SAMD12: variants seen among roughly 807,000 people sequenced by gnomAD.
SAMD12 encodes the protein sterile alpha motif domain containing 12.
In SAMD12, 9 loss-of-function variants were observed where a neutral mutation model predicts 15.0. That is an observed-to-expected ratio of 0.60 (90% CI 0.36 to 1.05). The LOEUF is 1.05. Ranked by LOEUF, SAMD12 falls within the 50% of genes least tolerant of loss-of-function variation. SAMD12 has a pLI of 0.01. For synonymous variants in SAMD12, 86 were observed against 90.1 expected, an observed-to-expected ratio of 0.96 and a Z score of 0.25; for missense variants, 230 against 234.2, an observed-to-expected ratio of 0.98 and a Z score of 0.12.
chr8:118,430,211 G>A (rs1255683019), intron 3 of SAMD12, among the ~76,000 whole-genome samples: 1 of 152,152 alleles, frequency 6.6e-6, no homozygotes, highest in African/African-American at 2.4e-5. Context: ...ATCAGAGAGT[G>A]ATGTTGAAGT....
chr8:118,212,062 T>TTGTGTG (rs35939969), intron 4 of SAMD12, among the ~76,000 whole-genome samples: 6 of 150,740 alleles, frequency 4.0e-5, no homozygotes, highest in African/African-American at 1.5e-4. Flanking sequence ...GTTGCAGATT[T>TTGTGTG]TGTGTGTGTG....
intron 4 of SAMD12, among the ~76,000 whole-genome samples, chr8:118,302,932 A>G (rs1047654314): frequency 3.9e-5 from 6 of 152,244 alleles, no homozygotes; most frequent in Admixed American, 6.5e-5. Flanking sequence ...ATATTAAATC[A>G]AAGTGCAACT....
At chr8:118,566,328 C>T (rs1030397756) in intron 2 of SAMD12, among the ~76,000 whole-genome samples, 4 of 152,182 alleles carry the variant, frequency 2.6e-5, no homozygotes, top group Non-Finnish European at 5.9e-5. Flanking sequence ...TTTCATTCCC[C>T]TGTCTTCTAC....
intron 4 of SAMD12, among the ~76,000 whole-genome samples, chr8:118,216,834 G>T (rs1450215031): frequency 6.6e-6 from 1 of 152,160 alleles, no homozygotes; most frequent in Non-Finnish European, 1.5e-5. Context: ...AACATTTCTT[G>T]ACAATGAAAA....
At chr8:118,604,952 T>C (rs1194026361) in intron 1 of SAMD12, among the ~76,000 whole-genome samples, 1 of 151,752 alleles carries the variant, frequency 6.6e-6, no homozygotes, top group South Asian at 2.1e-4. Context: ...AATAAATAAA[T>C]AAAATGTCAT....
At chr8:118,458,153 T>C (rs1312754124) in intron 2 of SAMD12, among the ~76,000 whole-genome samples, 1 of 152,212 alleles carries the variant, frequency 6.6e-6, no homozygotes, top group Non-Finnish European at 1.5e-5. Context: ...CCTACTTAAC[T>C]AAATCACATT....
intron 4 of SAMD12, among the ~76,000 whole-genome samples, chr8:118,264,483 A>T (rs1813153925): frequency 6.6e-6 from 1 of 152,154 alleles, no homozygotes; most frequent in Non-Finnish European, 1.5e-5. Context: ...AGTCTTTGGG[A>T]TACTCAGAGC....
chr8:118,613,186 G>C (rs1191595628), intron 1 of SAMD12, among the ~76,000 whole-genome samples: 2 of 152,160 alleles, frequency 1.3e-5, no homozygotes, highest in South Asian at 2.1e-4. Flanking sequence ...TGATTTTACT[G>C]TGTGTAAATT....
intron 3 of SAMD12, among the ~76,000 whole-genome samples, chr8:118,390,847 T>C (rs771044160): frequency 2.0e-5 from 3 of 151,724 alleles, no homozygotes; most frequent in Non-Finnish European, 4.4e-5. Context: ...ATGGGAACTC[T>C]ATATTGATTT....
chr8:118,483,669 C>A (rs768259099), intron 2 of SAMD12, among the ~76,000 whole-genome samples: 7 of 152,122 alleles, frequency 4.6e-5, no homozygotes, highest in Non-Finnish European at 8.8e-5. Flanking sequence ...TCGAAAAATT[C>A]TTACATGCAT....
intron 4 of SAMD12, among the ~76,000 whole-genome samples, chr8:118,348,544 T>C (rs1342416348): frequency 6.6e-6 from 1 of 152,060 alleles, no homozygotes; most frequent in East Asian, 1.9e-4. Flanking sequence ...GCTAATTTTT[T>C]TGTGTTTTTA....
chr8:118,419,289 GTTTT>G (rs1373690465), intron 3 of SAMD12, among the ~76,000 whole-genome samples: 4 of 151,210 alleles, frequency 2.6e-5, no homozygotes, highest in Admixed American at 2.6e-4. Context: ...TTTTTTTGTC[GTTTT>G]TTAATATCTC....
chr8:118,604,885 G>A (rs1048748552), intron 1 of SAMD12, among the ~76,000 whole-genome samples: 1 of 151,922 alleles, frequency 6.6e-6, no homozygotes, highest in Non-Finnish European at 1.5e-5. Context: ...TCGCACCACT[G>A]CACTCCAGCC....
intron 1 of SAMD12, among the ~76,000 whole-genome samples, chr8:118,598,805 C>T (rs117135714): frequency 9.2e-5 from 14 of 152,288 alleles, no homozygotes; most frequent in Non-Finnish European, 1.6e-4. Flanking sequence ...GTCTTGGCCA[C>T]ACACTAGAAT....
At chr8:118,516,359 C>G (rs1825244130) in intron 2 of SAMD12, among the ~76,000 whole-genome samples, 1 of 152,154 alleles carries the variant, frequency 6.6e-6, no homozygotes, top group East Asian at 1.9e-4. Context: ...GATGATATCT[C>G]AATTTTGTAT....
At chr8:118,500,161 C>A (rs1824744523) in intron 2 of SAMD12, among the ~76,000 whole-genome samples, 3 of 144,928 alleles carry the variant, frequency 2.1e-5, no homozygotes, top group Non-Finnish European at 4.5e-5. Context: ...TCACTGCAAC[C>A]TCTGCCTCCC....
At chr8:118,569,716 C>A (rs1453340630) in intron 2 of SAMD12, among the ~76,000 whole-genome samples, 2 of 152,142 alleles carry the variant, frequency 1.3e-5, no homozygotes, top group Non-Finnish European at 2.9e-5. Flanking sequence ...GTGGTCTCTG[C>A]AAGACAGAAA....
At position 118,321,144 on chromosome 8, in the gene SAMD12, A is replaced by AATAAATAAAT. The variant is rs57107358; in HGVS notation, c.433+58415_433+58416insATTTATTTAT. Among the ~76,000 whole-genome samples, 55 of 94,462 alleles carry AATAAATAAAT rather than the reference A, an allele frequency of 5.8e-4. 1 individual carries two copies. Among genetic ancestry groups the AATAAATAAAT allele is most frequent in the African/African-American group, 2.0e-3 (50 of 24,646 alleles). The allele number at this position is 94,462 out of a possible 152,430, so 62.0% of individuals were successfully genotyped here. On this transcript the variant is annotated intron_variant, in intron 4 of 4. Transcript: ENST00000409003. ...TATAACATATATATCATAGATAATA[A>AATAAATAAAT]ATATATATATATATATATATATATA...
intron 4 of SAMD12, among the ~76,000 whole-genome samples, chr8:118,304,617 G>A (rs552291685): frequency 6.6e-6 from 1 of 151,924 alleles, no homozygotes; most frequent in African/African-American, 2.4e-5. Flanking sequence ...AAAATTACCC[G>A]GGAGTGGTGG....
Sources: gnomAD v4.1 joint callset for allele counts (sites outside exome capture counted in the v4.1 genomes callset) on GRCh38, gnomAD v4.1.1 for gene constraint, MANE v1.5 for transcripts, NCBI Gene and HGNC (gene_info 2026-07-23, HGNC 2026-07-21) for gene names.